The following ARHGEF2 variants were observed in gnomAD, a reference collection of about 807,000 sequenced individuals.
The protein encoded by ARHGEF2 is Rho/Rac guanine nucleotide exchange factor 2, also known as rho guanine nucleotide exchange factor 2.
ARHGEF2 carries 22 observed loss-of-function variants against 121.0 expected under a neutral mutation model. The ratio of observed to expected loss-of-function variants is 0.18; its 90% CI spans 0.13 to 0.26. The LOEUF (loss-of-function observed/expected upper bound fraction) is 0.26. Among genes scored for constraint, ARHGEF2 ranks in the 10% least tolerant of loss-of-function variants. ARHGEF2 has a pLI of 1.00. For synonymous variants in ARHGEF2, 487 were observed against 530.0 expected (o/e 0.92, Z 1.11); for missense variants, 907 against 1,336.0 (o/e 0.68, Z 5.01).
intron 1 of ARHGEF2, among the ~76,000 whole-genome samples, chr1:155,971,503 G>A (rs1050189832): frequency 6.6e-5 from 10 of 150,912 alleles, no homozygotes; most frequent in Non-Finnish European, 1.2e-4. Context: ...TGCTTGAACC[G>A]GGGAGGTTGG....
chr1:155,956,006 C>A (rs1020288986), intron 13 of ARHGEF2, among the ~76,000 whole-genome samples: 2 of 152,132 alleles, frequency 1.3e-5, no homozygotes, highest in Non-Finnish European at 2.9e-5. Flanking sequence ...CAGCGCCTGG[C>A]CACAATTATA....
intron 2 of ARHGEF2, chr1:155,968,434 G>A (rs1679861833): frequency 6.6e-6 from 1 of 152,126 alleles, no homozygotes; most frequent in African/African-American, 2.4e-5. Context: ...CATAACTTCA[G>A]GAGGAATTGA....
chr1:155,957,856 C>G lies in ARHGEF2; in HGVS notation c.1572G>C (p.Gln524His). 6.2e-7 allele frequency: 1 copy of G among 1,614,056 alleles called. No individual in the cohort carries two copies. Among genetic ancestry groups the G allele is most frequent in the Non-Finnish European group, 8.5e-7 (1 of 1,179,966 alleles). The part of the protein sequence containing the change: ...TLDKPSVVSL[Q>H]NLIVRDIANQ... ...TGGCAATGTCTCGTACGATTAGATTCTGCAGCGATACCACTGAAGGCTTGT... is the reference window on the plus strand; with the variant it reads ...TGGCAATGTCTCGTACGATTAGATTGTGCAGCGATACCACTGAAGGCTTGT... The change falls in exon 13 of 22, where the codon CAG (glutamine) becomes CAC (histidine). Residue 524 changes from glutamine (Q) to histidine (H), a missense_variant. Transcript: ENST00000361247.
chr1:155,964,160 AAAAAAAAATATAT>A (rs1678657085), intron 7 of ARHGEF2, among the ~76,000 whole-genome samples: 3 of 95,110 alleles, frequency 3.2e-5, no homozygotes, highest in Admixed American at 1.2e-4. Context: ...AAAAAAAAAA[AAAAAAAAATATAT>A]ATATATATAT....
Position 155,961,637 on chromosome 1 carries a change from C to T in ARHGEF2, c.1468+24G>A, listed in dbSNP as rs1316835434. The stretch of plus-strand genomic sequence containing the variant: ...CTCTCCATCTGACTTTGAATTCCTG[C>T]CTAGTCTGCCGAGCAGGTCTGACCT... On this transcript the variant is annotated intron_variant, in intron 11 of 21. Transcript: ENST00000361247. This position sits in a 1 kb window ranked among gnomAD's most constrained non-coding sequence, Gnocchi z 4.7. 7 of 1,595,712 alleles carry T rather than the reference C, an allele frequency of 4.4e-6. No individual in the cohort carries two copies. The highest frequency in any genetic ancestry group is 5.1e-6 in the Non-Finnish European group (6 of 1,172,368).
Position 155,978,028 on chromosome 1 carries a change from G to A in ARHGEF2, c.63+337C>T. The stretch of plus-strand genomic sequence containing the variant: ...GCCGGAGCTTCCACCGCCCCCACCC[G>A]CGAGACACACACCTCCCTCTTCCCG... On this transcript the variant is annotated intron_variant, in intron 1 of 21. Transcript: ENST00000361247. This position sits in a 1 kb window ranked among gnomAD's most constrained non-coding sequence, Gnocchi z 4.1. The A allele has an allele frequency of 9.6e-7, 1 of 1,038,250 alleles. No homozygotes were observed. Among genetic ancestry groups the A allele is most frequent in the Non-Finnish European group, 1.2e-6 (1 of 856,430 alleles). 64.3% of individuals were successfully genotyped at this position (1,038,250 alleles called of 1,614,324 possible).
intron 4 of ARHGEF2, 152 bp downstream of exon 4, chr1:155,966,264 G>C (rs1037025060): frequency 1.8e-5 from 13 of 738,188 alleles, no homozygotes; most frequent in African/African-American, 1.8e-4. Context: ...CCAAGAGTCC[G>C]AACCCTCCCT....
upstream of ARHGEF2, chr1:155,979,111 G>C: frequency 1.0e-6 from 1 of 985,594 alleles, no homozygotes; most frequent in Non-Finnish European, 1.2e-6. Context: ...TCAGTACACG[G>C]GAAGGGTAGG....
intron 1 of ARHGEF2, among the ~76,000 whole-genome samples, chr1:155,973,096 T>G (rs946969620): frequency 1.3e-5 from 2 of 151,914 alleles, no homozygotes; most frequent in African/African-American, 4.8e-5. Context: ...CAAGGATAAA[T>G]AAAGAATATG....
At chr1:155,967,577 G>T (rs142312373) in intron 2 of ARHGEF2, among the ~76,000 whole-genome samples, 185 of 152,234 alleles carry the variant, frequency 1.2e-3, no homozygotes, top group African/African-American at 4.3e-3. Flanking sequence ...GATGGCTCCA[G>T]TGGTAAAGAA....
At position 155,951,279 on chromosome 1, in the gene ARHGEF2, G is replaced by A. The variant is rs1170786131; in HGVS notation, c.2260-7C>T. ...CCTGCTGGGCCACAGCTGCCTGGGAGTAGAATGCAGGCAGAAGGGTTTATC... is the reference window on the plus strand; with the variant it reads ...CCTGCTGGGCCACAGCTGCCTGGGAATAGAATGCAGGCAGAAGGGTTTATC... On this transcript the variant is annotated splice_region_variant and splice_polypyrimidine_tract_variant and intron_variant, in intron 19 of 21. Transcript: ENST00000361247. The surrounding 1 kb of genome is among the most constrained non-coding windows in gnomAD (Gnocchi z 5.1). 4 of 1,595,814 alleles carry A rather than the reference G, an allele frequency of 2.5e-6. No individual in the cohort carries two copies. Among genetic ancestry groups the A allele is most frequent in the Middle Eastern group, 3.4e-4 (2 of 5,956 alleles).
chr1:155,967,024 A>G, intron 2 of ARHGEF2, 137 bp from the exon 3 acceptor site: 1 of 738,200 alleles, frequency 1.4e-6, no homozygotes, highest in Non-Finnish European at 2.4e-6. Flanking sequence ...CTGGGCCATT[A>G]CCACACCCCA....
intron 21 of ARHGEF2, among the ~76,000 whole-genome samples, chr1:155,949,595 T>G (rs1674981278): frequency 6.6e-6 from 1 of 151,004 alleles, no homozygotes; most frequent in Admixed American, 6.6e-5. Context: ...AAAAAAAAAT[T>G]TAGCCAGGCG....
At chr1:155,967,791 G>A (rs1679709802) in intron 2 of ARHGEF2, among the ~76,000 whole-genome samples, 1 of 152,134 alleles carries the variant, frequency 6.6e-6, no homozygotes, top group African/African-American at 2.4e-5. Flanking sequence ...GCCCTTCCCA[G>A]ACATGCCCTC....
At chr1:155,949,702 C>G (rs1675020505) in intron 21 of ARHGEF2, among the ~76,000 whole-genome samples, 1 of 151,650 alleles carries the variant, frequency 6.6e-6, no homozygotes, top group Admixed American at 6.6e-5. Flanking sequence ...CATAGTGAAA[C>G]CCCATTTCTA....
rs574907081 is a variant in ARHGEF2, at chr1:155,949,443, G to A, written c.2887+856C>T. 8.3e-4 allele frequency among the ~76,000 whole-genome samples: 126 copies of A among 152,002 alleles called. 1 individual carries two copies. Among genetic ancestry groups the A allele is most frequent in the African/African-American group, 3.0e-3 (123 of 41,438 alleles). On this transcript the variant is annotated intron_variant, in intron 21 of 21. Coordinates refer to ENST00000361247, the MANE Select transcript of ARHGEF2 (RefSeq NM_001162383.2). ...AAAAATACAAAAATTAGCTGGGCGT[G>A]GAGGCATGTGCCTGTAGTCCCAGCT...
intron 11 of ARHGEF2, among the ~76,000 whole-genome samples, chr1:155,959,805 T>G (rs1001455112): frequency 1.3e-5 from 2 of 152,178 alleles, no homozygotes; most frequent in Admixed American, 1.3e-4. Context: ...TGATTCAGCC[T>G]CCCAAAGTGC....
In ARHGEF2 at chr1:155,962,292, G is replaced by A. The variant is rs148178766; in HGVS notation, c.1102-70C>T. ...AGAAAGGCCTGGGGCCTGAGCTCTG[G>A]TGCTGGCCCTGGCGTGGCCATTTAC... On this transcript the variant is annotated intron_variant, in intron 9 of 21. Transcript: ENST00000361247. The surrounding 1 kb of genome is among the most constrained non-coding windows in gnomAD (Gnocchi z 5.8). 2 of 1,501,522 alleles carry A rather than the reference G, an allele frequency of 1.3e-6. No individual in the cohort carries two copies. Among genetic ancestry groups the A allele is most frequent in the African/African-American group, 1.4e-5 (1 of 72,440 alleles). 93.0% of individuals were successfully genotyped at this position (1,501,522 alleles called of 1,614,324 possible). A position where few individuals can be genotyped will look rare whatever the true frequency, so the allele number is the denominator to read the frequency against.
Position 155,954,939 on chromosome 1 carries a change from A to T in ARHGEF2, c.1746T>A (p.Ile582=), listed in dbSNP as rs573993173. 10 of 1,611,722 alleles carry T rather than the reference A, an allele frequency of 6.2e-6. No individual in the cohort carries two copies. In the East Asian group the frequency reaches 2.2e-4, roughly 36 times the overall value. The change falls in exon 14 of 22, where the codon ATT becomes ATA. Residue 582 remains isoleucine (I), a synonymous_variant. Coordinates refer to ENST00000361247, the MANE Select transcript of ARHGEF2 (RefSeq NM_001162383.2). ...GCAGGTAAGCCTCATCCTCTGTCTCAATCAGGGGGAAGTCCTCCCTGGATG... is the reference window on the plus strand; with the variant it reads ...GCAGGTAAGCCTCATCCTCTGTCTCTATCAGGGGGAAGTCCTCCCTGGATG... The part of the protein sequence containing the change: ...TCPSREDFPL[I]ETEDEAYLRR...
Sources: allele counts gnomAD v4.1 joint callset (sites outside exome capture counted in the v4.1 genomes callset), GRCh38; gene constraint gnomAD v4.1.1; non-coding constraint Gnocchi (gnomAD v3.1); transcripts MANE v1.5; gene names NCBI Gene and HGNC (gene_info 2026-07-23, HGNC 2026-07-21).